SEMA6A: variants seen among roughly 807,000 people sequenced by gnomAD.
SEMA6A encodes the protein semaphorin-6A.
In SEMA6A, 25 loss-of-function variants were observed where a neutral mutation model predicts 96.8. That is an observed-to-expected ratio of 0.26 (90% CI 0.19 to 0.36). The LOEUF (loss-of-function observed/expected upper bound fraction) is 0.36, where lower values mean the gene tolerates loss of function less well. Ranked by LOEUF, SEMA6A falls within the 10% of genes least tolerant of loss-of-function variation. SEMA6A has a pLI of 1.00. For synonymous variants in SEMA6A, 612 were observed against 518.0 expected (o/e 1.18, Z -2.46); for missense variants, 1,363 against 1,323.1 (o/e 1.03, Z -0.47).
intron 1 of SEMA6A, among the ~76,000 whole-genome samples, chr5:116,532,403 A>G (rs1202238047): frequency 1.3e-5 from 2 of 152,228 alleles, no homozygotes; most frequent in Admixed American, 6.5e-5. Context: ...TTTATGTCAA[A>G]GTGGCCACAA....
intron 18 of SEMA6A, among the ~76,000 whole-genome samples, chr5:116,464,776 T>A (rs946711610): frequency 1.3e-5 from 2 of 152,142 alleles, no homozygotes; most frequent in Admixed American, 1.3e-4. Flanking sequence ...GCAGCAAACA[T>A]ACTCTGGAAA....
chr5:116,478,948 G>GTGTGTC (rs1756613225), intron 12 of SEMA6A, among the ~76,000 whole-genome samples: 1 of 151,762 alleles, frequency 6.6e-6, no homozygotes, highest in Non-Finnish European at 1.5e-5. Context: ...GTGTGTGTGT[G>GTGTGTC]TGTGTGTGTG....
chr5:116,532,337 AGG>A (rs1759522177), intron 1 of SEMA6A, among the ~76,000 whole-genome samples: 1 of 152,200 alleles, frequency 6.6e-6, no homozygotes, highest in African/African-American at 2.4e-5. Flanking sequence ...CGGCCAACAA[AGG>A]GAATATGAAT....
At chr5:116,475,686 C>T in intron 15 of SEMA6A, 83 bp from the exon 16 acceptor site, 1 of 932,154 alleles carries the variant, frequency 1.1e-6, no homozygotes, top group South Asian at 1.6e-5. Flanking sequence ...TCACTAAAGA[C>T]AGTAACACAG....
intron 17 of SEMA6A, 135 bp from the exon 18 acceptor site, chr5:116,467,882 A>AGTGGTGGTGGTGGTGGTGGTG (rs3073761): frequency 1.9e-6 from 1 of 531,408 alleles, no homozygotes; most frequent in African/African-American, 2.1e-5. Flanking sequence ...GACACGGCTT[A>AGTGGTGGTGGTGGTGGTGGTG]GTGGTGGTGG....
In SEMA6A at chr5:116,564,514, G is replaced by A. The variant is rs112892152; in HGVS notation, c.-39+9671C>T. Among the ~76,000 whole-genome samples the A allele has an allele frequency of 4.2e-3, 633 of 152,266 alleles. 3 individuals carry two copies. The highest frequency in any genetic ancestry group is 0.014 in the African/African-American group (594 of 41,556). ...TGAAACATGAAGTGTACCACTATCC[G>A]TTGCACAAGGCCAAATTTGCCAACC... On this transcript the variant is annotated intron_variant, in intron 1 of 18. Transcript: ENST00000343348.
chr5:116,538,738 A>C (rs1283303694), intron 1 of SEMA6A, among the ~76,000 whole-genome samples: 1 of 152,176 alleles, frequency 6.6e-6, no homozygotes, highest in Non-Finnish European at 1.5e-5. Context: ...ATGATAAAAT[A>C]AATAAATAAA....
chr5:116,469,445 C>T (rs914283346), intron 17 of SEMA6A: 1 of 150,480 alleles, frequency 6.6e-6, no homozygotes, highest in African/African-American at 2.4e-5. Context: ...TAAAACATAA[C>T]TTTTTTTTTT....
rs1580495217 is a variant in SEMA6A at position 116,541,497 on chromosome 5, C to G, written c.-39+32688G>C. Among the ~76,000 whole-genome samples, 6 of 152,198 alleles carry G rather than the reference C, an allele frequency of 3.9e-5. 1 individual carries two copies. Among genetic ancestry groups the G allele is most frequent in the Admixed American group, 3.9e-4 (6 of 15,280 alleles). On this transcript the variant is annotated intron_variant, in intron 1 of 18. Transcript: ENST00000343348. ...CTCACACAAGTTCATTCTGTCAGTACTAAGTTCGCATTATTGTCATTACAA... is the reference window on the plus strand; with the variant it reads ...CTCACACAAGTTCATTCTGTCAGTAGTAAGTTCGCATTATTGTCATTACAA...
At chr5:116,546,792 C>G (rs930215923) in intron 1 of SEMA6A, among the ~76,000 whole-genome samples, 13 of 152,174 alleles carry the variant, frequency 8.5e-5, no homozygotes, top group African/African-American at 3.1e-4. Context: ...ACAGGGCTTC[C>G]AAAACTCAGA....
chr5:116,455,503 T>G (rs1025482363), intron 18 of SEMA6A, among the ~76,000 whole-genome samples: 3 of 152,182 alleles, frequency 2.0e-5, no homozygotes, highest in African/African-American at 7.2e-5. Flanking sequence ...GACAAAGCAT[T>G]TCTATTTTCC....
chr5:116,505,328 T>C (rs918410371), intron 1 of SEMA6A, among the ~76,000 whole-genome samples: 1 of 152,030 alleles, frequency 6.6e-6, no homozygotes. Context: ...TATTGAAAAA[T>C]AGGAGATTTC....
rs1756834962 is a variant in SEMA6A, at chr5:116,482,496, A to G, written c.1042T>C (p.Ser348Pro). Residue 348 changes from serine (S) to proline (P), a missense_variant, in exon 11 of 19, where the codon TCT (serine) becomes CCT (proline). By Grantham distance (74) the Ser-to-Pro change is moderately conservative. This residue lies in a region of SEMA6A where 480 missense variants were observed against 559.5 expected (regional missense o/e 0.86). Coordinates refer to ENST00000343348, the MANE Select transcript of SEMA6A (RefSeq NM_020796.5). ...ACTGGTGTCCAGGTGGAATCAGGAG[A>G]CTTCTGTTCCTTGAATCTCCCAGTA... ...VFTGRFKEQK[S>P]PDSTWTPVPD... 6.2e-7 allele frequency: 1 copy of G among 1,613,420 alleles called. No homozygotes were observed. The highest frequency in any genetic ancestry group is 8.5e-7 in the Non-Finnish European group (1 of 1,179,664).
At chr5:116,540,089 A>G (rs1031726839) in intron 1 of SEMA6A, among the ~76,000 whole-genome samples, 1 of 151,756 alleles carries the variant, frequency 6.6e-6, no homozygotes, top group South Asian at 2.1e-4. Flanking sequence ...CTTTTCTTCC[A>G]CTGGTTGGTT....
At chr5:116,546,300 C>G (rs1760182268) in intron 1 of SEMA6A, among the ~76,000 whole-genome samples, 1 of 152,240 alleles carries the variant, frequency 6.6e-6, no homozygotes, top group Non-Finnish European at 1.5e-5. Flanking sequence ...CCCTGAGACA[C>G]TCTGATTGCT....
rs954457735 is a variant in SEMA6A at position 116,472,794 on chromosome 5, G to A, written c.1729+279C>T. 4 of 949,070 alleles carry A rather than the reference G, an allele frequency of 4.2e-6. No homozygotes were observed. The African/African-American group carries it at 5.1e-5, about 12-fold the overall frequency. 58.8% of individuals were successfully genotyped at this position (949,070 alleles called of 1,614,324 possible). ...GGGGCCCTAAAGTAACAAAGAATCT[G>A]GTCCATGATGTTTAGGAATGAAAAC... On this transcript the variant is annotated intron_variant, in intron 17 of 18. Coordinates refer to ENST00000343348, the MANE Select transcript of SEMA6A (RefSeq NM_020796.5).
rs774639848 is a variant in SEMA6A, at chr5:116,446,677, A to G, written c.3029T>C (p.Val1010Ala). 6.4e-7 allele frequency: 1 copy of G among 1,559,946 alleles called. No individual in the cohort carries two copies. Among genetic ancestry groups the G allele is most frequent in the Non-Finnish European group, 8.7e-7 (1 of 1,151,458 alleles). The change falls in exon 19 of 19, where the codon GTA becomes GCA. Residue 1010 changes from valine to alanine, a missense_variant. Val to Ala is a moderately conservative substitution (Grantham distance 64). Transcript: ENST00000343348. Reference sequence around the variant, plus strand: ...GGGAGCAAAGGATGGTTTGGGGGGTACGTCCGGCTTTAGCGAGGGCGTACG... The same window carrying G: ...GGGAGCAAAGGATGGTTTGGGGGGTGCGTCCGGCTTTAGCGAGGGCGTACG... Reference protein sequence around the residue: ...LKRTPSLKPDVPPKPSFAPLS... With the variant: ...LKRTPSLKPDAPPKPSFAPLS...
At chr5:116,465,228 A>G (rs1158908530) in intron 18 of SEMA6A, among the ~76,000 whole-genome samples, 1 of 152,234 alleles carries the variant, frequency 6.6e-6, no homozygotes, top group Non-Finnish European at 1.5e-5. Flanking sequence ...GGACGCCATC[A>G]TGAGTCAGAA....
Position 116,478,530 on chromosome 5 carries a change from T to C in SEMA6A, c.1427+12A>G, listed in dbSNP as rs770518035. On this transcript the variant is annotated intron_variant, in intron 13 of 18. Coordinates refer to ENST00000343348, the MANE Select transcript of SEMA6A (RefSeq NM_020796.5). ...AAATAATTACTAAGAAAGAACCAAATATTCCACTTACTTTTCAGAGTTGTA... is the reference window on the plus strand; with the variant it reads ...AAATAATTACTAAGAAAGAACCAAACATTCCACTTACTTTTCAGAGTTGTA... 1 of 1,596,566 alleles carries C rather than the reference T, an allele frequency of 6.3e-7. No homozygotes were observed. The highest frequency in any genetic ancestry group is 1.1e-5 in the South Asian group (1 of 87,324).
Sources: allele counts gnomAD v4.1 joint callset (sites outside exome capture counted in the v4.1 genomes callset), GRCh38; gene constraint gnomAD v4.1.1; regional missense constraint gnomAD v4.1.1; transcripts MANE v1.5; gene names NCBI Gene and HGNC (gene_info 2026-07-23, HGNC 2026-07-21).